GNG7: variants seen among roughly 807,000 people sequenced by gnomAD.
The protein encoded by GNG7 is guanine nucleotide-binding protein G(I)/G(S)/G(O) subunit gamma-7.
A neutral mutation model predicts 4.0 loss-of-function variants in GNG7; 1 was observed. That is an observed-to-expected ratio of 0.25 (90% CI 0.09 to 1.18). The LOEUF is 1.18. Ranked by LOEUF, GNG7 falls within the 50% of genes most tolerant of loss-of-function variation. The probability of loss-of-function intolerance (pLI) is 0.50; values close to 1 mark genes in which losing one functional copy is unlikely to be tolerated. For missense variants in GNG7, 86 were observed against 91.9 expected (o/e 0.94, Z 0.26); for synonymous variants, 34 against 36.9 (o/e 0.92, Z 0.29).
chr19:2,604,352 G>T (rs1981308605), intron 2 of GNG7, among the ~76,000 whole-genome samples: 1 of 151,550 alleles, frequency 6.6e-6, no homozygotes, highest in African/African-American at 2.4e-5. Flanking sequence ...TGTGCTTGTG[G>T]TCCCAGCTAC....
At chr19:2,527,507 A>G (rs1280445909) in intron 3 of GNG7, among the ~76,000 whole-genome samples, 3 of 152,194 alleles carry the variant, frequency 2.0e-5, no homozygotes, top group Non-Finnish European at 2.9e-5. Flanking sequence ...TGCTGAGCAG[A>G]TGGCTGAGCA....
intron 2 of GNG7, among the ~76,000 whole-genome samples, chr19:2,637,349 C>T (rs957759371): frequency 6.6e-6 from 1 of 152,056 alleles, no homozygotes; most frequent in Non-Finnish European, 1.5e-5. Flanking sequence ...CACTTGGCGG[C>T]GCACCTGCTC....
chr19:2,655,276 A>C (rs931191819), intron 1 of GNG7, among the ~76,000 whole-genome samples: 3 of 152,058 alleles, frequency 2.0e-5, no homozygotes, highest in African/African-American at 7.2e-5. Context: ...CTGACTAGAT[A>C]CCTCTCAAAT....
intron 2 of GNG7, among the ~76,000 whole-genome samples, chr19:2,580,840 C>A (rs1980481505): frequency 6.6e-6 from 1 of 152,050 alleles, no homozygotes; most frequent in South Asian, 2.1e-4. Context: ...TCACGGCTCA[C>A]TGCAACCTCC....
intron 3 of GNG7, among the ~76,000 whole-genome samples, chr19:2,529,251 CTG>C (rs1978509194): frequency 6.6e-6 from 1 of 152,218 alleles, no homozygotes; most frequent in African/African-American, 2.4e-5. Flanking sequence ...ATGGCTCACT[CTG>C]TCGCCCAGGC....
At chr19:2,585,553 G>T (rs1355347321) in intron 2 of GNG7, among the ~76,000 whole-genome samples, 2 of 152,190 alleles carry the variant, frequency 1.3e-5, no homozygotes, top group African/African-American at 4.8e-5. Context: ...AAAGTATATT[G>T]AAAACAGCCA....
At chr19:2,650,605 G>A (rs908283764) in intron 1 of GNG7, among the ~76,000 whole-genome samples, 6 of 152,198 alleles carry the variant, frequency 3.9e-5, no homozygotes, top group African/African-American at 1.2e-4. Flanking sequence ...GCAGTGAGGC[G>A]ATCCCTGCGG....
At chr19:2,688,947 C>A (rs1913068709) in intron 1 of GNG7, among the ~76,000 whole-genome samples, 1 of 151,894 alleles carries the variant, frequency 6.6e-6, no homozygotes, top group Non-Finnish European at 1.5e-5. Context: ...TGCCTGTGGT[C>A]CCAGCTACTC....
chr19:2,524,357 A>G (rs1978329915), intron 3 of GNG7, among the ~76,000 whole-genome samples: 1 of 152,314 alleles, frequency 6.6e-6, no homozygotes, highest in South Asian at 2.1e-4. Flanking sequence ...GTTTATTTGC[A>G]TGTATGTCAA....
At chr19:2,651,475 TTC>T (rs979842799) in intron 1 of GNG7, among the ~76,000 whole-genome samples, 1 of 145,842 alleles carries the variant, frequency 6.9e-6, no homozygotes, top group Admixed American at 7.0e-5. Context: ...CTCTTTTTCT[TTC>T]TCTCTCTTAC....
Position 2,525,584 on chromosome 19 carries a change from C to T in GNG7, c.-37-4859G>A, listed in dbSNP as rs1427151211. ...AGACCTGAGCTGATCAGACACGAGG[C>T]TCCAGTGCACAGAAGGGCTGAACAA... On this transcript the variant is annotated intron_variant, in intron 3 of 4. Coordinates refer to ENST00000382159, the MANE Select transcript of GNG7 (RefSeq NM_052847.3). 2.0e-5 allele frequency among the ~76,000 whole-genome samples: 3 copies of T among 152,104 alleles called. No homozygotes were observed. The South Asian group carries it at 6.2e-4, about 31-fold the overall frequency.
chr19:2,650,013 A>G (rs1447270549), intron 1 of GNG7, among the ~76,000 whole-genome samples: 1 of 151,952 alleles, frequency 6.6e-6, no homozygotes, highest in Non-Finnish European at 1.5e-5. Context: ...AGGTGCATCC[A>G]TGCTGTGACC....
intron 3 of GNG7, among the ~76,000 whole-genome samples, chr19:2,550,071 G>A (rs1979265843): frequency 6.6e-6 from 1 of 152,232 alleles, no homozygotes; most frequent in African/African-American, 2.4e-5. Context: ...AAATGTGGCT[G>A]CCTTGGGTCT....
chr19:2,512,354 A>G lies in GNG7; in HGVS notation c.*2668T>C. ...GTGTGGTCACTGAAGTCTACTCAAG[A>G]AAAAAAAAAGTGGAGAATTTTTTTT... On this transcript the variant is annotated 3_prime_UTR_variant, in exon 5 of 5. Transcript: ENST00000382159. This position sits in a 1 kb window ranked among gnomAD's most constrained non-coding sequence, Gnocchi z 4.7. 1 of 891,330 alleles carries G rather than the reference A, an allele frequency of 1.1e-6. No homozygotes were observed. The highest frequency in any genetic ancestry group is 1.8e-5 in the African/African-American group (1 of 55,088). 55.2% of individuals were successfully genotyped at this position (891,330 alleles called of 1,614,324 possible).
At chr19:2,684,085 C>G (rs941639148) in intron 1 of GNG7, among the ~76,000 whole-genome samples, 10 of 150,654 alleles carry the variant, frequency 6.6e-5, no homozygotes, top group Non-Finnish European at 1.3e-4. Context: ...CTTGGAGAGG[C>G]TGAAGCCAGG....
intron 2 of GNG7, among the ~76,000 whole-genome samples, chr19:2,598,850 GAA>G (rs1285935840): frequency 6.6e-6 from 1 of 151,202 alleles, no homozygotes; most frequent in Non-Finnish European, 1.5e-5. Flanking sequence ...CACGGAAAAA[GAA>G]AGCTTATGAA....
chr19:2,565,768 G>C (rs1979886865), intron 2 of GNG7, among the ~76,000 whole-genome samples: 1 of 152,202 alleles, frequency 6.6e-6, no homozygotes, highest in South Asian at 2.1e-4. Flanking sequence ...TGGAGGCTGT[G>C]TGAGCCCGGC....
chr19:2,549,097 G>A (rs1301407343), intron 3 of GNG7, among the ~76,000 whole-genome samples: 1 of 152,104 alleles, frequency 6.6e-6, no homozygotes, highest in African/African-American at 2.4e-5. Context: ...GGACATGAAG[G>A]TTTGGCAGCA....
chr19:2,584,336 T>TGGGAGACTGAGGTGGGA (rs1980583160), intron 2 of GNG7, among the ~76,000 whole-genome samples: 1 of 149,018 alleles, frequency 6.7e-6, no homozygotes, highest in African/African-American at 2.5e-5. Flanking sequence ...TCCAGCTACT[T>TGGGAGACTGAGGTGGGA]GGGAGACTGA....
Sources: allele counts gnomAD v4.1 joint callset (sites outside exome capture counted in the v4.1 genomes callset), GRCh38; gene constraint gnomAD v4.1.1; non-coding constraint Gnocchi (gnomAD v3.1); transcripts MANE v1.5; gene names NCBI Gene and HGNC (gene_info 2026-07-23, HGNC 2026-07-21).